Variants in RWDD3 observed in about 807,000 individuals in gnomAD.
RWDD3 encodes the protein RWD domain-containing protein 3.
In RWDD3, 30 loss-of-function variants were observed where a neutral mutation model predicts 26.5. That is an observed-to-expected ratio of 1.13 (90% CI 0.85 to 1.54). The LOEUF (loss-of-function observed/expected upper bound fraction) is 1.54. Ranked by LOEUF, RWDD3 falls within the 40% of genes most tolerant of loss-of-function variation. RWDD3 has a pLI of 0.00. For missense variants in RWDD3, 296 were observed against 309.1 expected (o/e 0.96, Z 0.32); for synonymous variants, 113 against 114.5 (o/e 0.99, Z 0.09).
At position 95,244,524 on chromosome 1, in the gene RWDD3, G is replaced by T. The variant is rs557203291; in HGVS notation, c.399G>T (p.Thr133=). ...GSEKCTFSTS[T]TMDDGLWITL... ...AAAAGTGTACTTTTTCAACAAGCAC[G>T]ACCATGGATGATGGATTGTGGATAA... The change falls in exon 2 of 4, where the codon ACG becomes ACT. Residue 133 remains threonine, a synonymous_variant. Coordinates refer to ENST00000370202, the MANE Select transcript of RWDD3 (RefSeq NM_015485.5). 14 of 1,614,002 alleles carry T rather than the reference G, an allele frequency of 8.7e-6. No individual in the cohort carries two copies. Among genetic ancestry groups the T allele is most frequent in the African/African-American group, 1.3e-5 (1 of 74,920 alleles).
intron 2 of RWDD3, among the ~76,000 whole-genome samples, chr1:95,245,716 T>TGGG (rs1176969580): frequency 6.6e-6 from 1 of 152,170 alleles, no homozygotes; most frequent in Non-Finnish European, 1.5e-5. Context: ...TTGATCCTTT[T>TGGG]GGGTAAAATA....
chr1:95,240,370 C>T (rs1349560691), intron 1 of RWDD3, among the ~76,000 whole-genome samples: 1 of 152,136 alleles, frequency 6.6e-6, no homozygotes, highest in African/African-American at 2.4e-5. Context: ...CAAGATATTT[C>T]AGTGCTGGAA....
At chr1:95,240,272 C>T (rs1680558361) in intron 1 of RWDD3, among the ~76,000 whole-genome samples, 1 of 152,168 alleles carries the variant, frequency 6.6e-6, no homozygotes, top group Admixed American at 6.5e-5. Context: ...TGATTACAAG[C>T]TACTAGCACA....
chr1:95,242,085 A>G (rs1035559724), intron 1 of RWDD3, among the ~76,000 whole-genome samples: 2 of 152,102 alleles, frequency 1.3e-5, no homozygotes, highest in African/African-American at 4.8e-5. Context: ...GTTTGTGACT[A>G]TTTCCTATAA....
Position 95,234,254 on chromosome 1 carries a change from G to A in RWDD3, c.24G>A (p.Glu8=), listed in dbSNP as rs1680180172. 1.3e-6 allele frequency: 2 copies of A among 1,596,400 alleles called. No homozygotes were observed. The highest frequency in any genetic ancestry group is 1.7e-5 in the Admixed American group (1 of 57,958). ...CCATGGCGGAGCCTGTGCAGGAGGA[G>A]CTCTCGGTCCTGGCCGCGATTTTCT... MAEPVQE[E]LSVLAAIFCR... The change falls in exon 1 of 4, where the codon GAG becomes GAA. Residue 8 remains glutamate (E), a synonymous_variant. Transcript: ENST00000370202.
intron 1 of RWDD3, 115 bp from the exon 2 acceptor site, chr1:95,244,096 C>G (rs1160464666): frequency 6.8e-7 from 1 of 1,468,788 alleles, no homozygotes; most frequent in East Asian, 2.3e-5. Context: ...CATAAAATAG[C>G]TCAGAGTTTT....
chr1:95,246,883 G>T lies in RWDD3; in HGVS notation c.*13G>T. 5 of 1,424,524 alleles carry T rather than the reference G, an allele frequency of 3.5e-6. No homozygotes were observed. The highest frequency in any genetic ancestry group is 3.8e-6 in the Non-Finnish European group (4 of 1,057,120). The allele number at this position is 1,424,524 out of a possible 1,614,324, so 88.2% of individuals were successfully genotyped here. ...TCTGGTAAAATGAAATGGAAGACAG[G>T]AATCTTTTAGTAAAATAGCAGTGTT... On this transcript the variant is annotated 3_prime_UTR_variant, in exon 4 of 4. Transcript: ENST00000370202.
At chr1:95,246,124 T>A (rs1238192479) in intron 2 of RWDD3, 2 of 154,396 alleles carry the variant, frequency 1.3e-5, no homozygotes, top group Non-Finnish European at 2.9e-5. Context: ...GAACAGTGGC[T>A]TGTGCTCTCA....
At position 95,244,411 on chromosome 1, in the gene RWDD3, T is replaced by C. The variant is rs1680759073; in HGVS notation, c.286T>C (p.Ser96Pro). The C allele has an allele frequency of 1.9e-6, 3 of 1,614,076 alleles. No homozygotes were observed. Among genetic ancestry groups the C allele is most frequent in the Non-Finnish European group, 2.5e-6 (3 of 1,180,042 alleles). Residue 96 changes from serine (S) to proline (P), a missense_variant, in exon 2 of 4, where the codon TCG becomes CCG. Ser to Pro is a moderately conservative substitution (Grantham distance 74, BLOSUM62 -1). Transcript: ENST00000370202. Reference protein sequence around the residue: ...NLLEQAESLLSEPMVHELVLW... With the variant: ...NLLEQAESLLPEPMVHELVLW... ...ACTTGAGCAAGCAGAGAGCCTTTTG[T>C]CGGAGCCTATGGTTCATGAGCTGGT...
chr1:95,242,626 G>A (rs747697498), intron 1 of RWDD3, among the ~76,000 whole-genome samples: 1 of 151,920 alleles, frequency 6.6e-6, no homozygotes, highest in Non-Finnish European at 1.5e-5. Context: ...TTTTAAAAGG[G>A]TAAGTAGTTA....
intron 1 of RWDD3, among the ~76,000 whole-genome samples, chr1:95,240,848 G>GA (rs113157057): frequency 6.8e-5 from 10 of 146,560 alleles, no homozygotes; most frequent in South Asian, 2.2e-4. Context: ...AAGAAGGAGG[G>GA]AAAAAAAAAA....
At chr1:95,238,499 G>A (rs1260728017) in intron 1 of RWDD3, among the ~76,000 whole-genome samples, 1 of 149,862 alleles carries the variant, frequency 6.7e-6, no homozygotes, top group Non-Finnish European at 1.5e-5. Context: ...GTGTATGCTT[G>A]CCTGGGAGCT....
intron 1 of RWDD3, 33 bp downstream of exon 1, chr1:95,234,348 C>G: frequency 6.4e-7 from 1 of 1,554,428 alleles, no homozygotes; most frequent in Non-Finnish European, 8.7e-7. Context: ...GACAGGGCGC[C>G]CTCAGGGGCC....
intron 1 of RWDD3, chr1:95,239,853 C>G: frequency 7.8e-7 from 1 of 1,289,636 alleles, no homozygotes; most frequent in Non-Finnish European, 1.0e-6. Flanking sequence ...TCAAGACTTT[C>G]CCCCTGGACT....
At chr1:95,235,298 C>T (rs774794663) in intron 1 of RWDD3, among the ~76,000 whole-genome samples, 4 of 149,670 alleles carry the variant, frequency 2.7e-5, no homozygotes, top group South Asian at 2.1e-4. Flanking sequence ...GTGGTCCGCC[C>T]GCCTCGGCCT....
chr1:95,234,286 C>A lies in RWDD3; in HGVS notation c.56C>A (p.Pro19His). Residue 19 changes from proline to histidine, a missense_variant, in exon 1 of 4, where the codon CCC (proline) becomes CAC (histidine). Physicochemically the swap from Pro to His is moderately conservative, Grantham distance 77. Transcript: ENST00000370202. ...LSVLAAIFCR[P>H]HEWEVLSRSE... ...GTCCTGGCCGCGATTTTCTGCAGGC[C>A]CCACGAGTGGGAGGTGCTGAGCCGC... 6.3e-7 allele frequency: 1 copy of A among 1,598,886 alleles called. No individual in the cohort carries two copies.
At chr1:95,234,712 T>A (rs1235414752) in intron 1 of RWDD3, among the ~76,000 whole-genome samples, 1 of 151,170 alleles carries the variant, frequency 6.6e-6, no homozygotes, top group Non-Finnish European at 1.5e-5. Context: ...CCGAGAGCAC[T>A]CCCCGGTTCT....
rs1680877897 is a variant in RWDD3 at position 95,247,010 on chromosome 1, C to G, written c.*140C>G. On this transcript the variant is annotated 3_prime_UTR_variant, in exon 4 of 4. Coordinates refer to ENST00000370202, the MANE Select transcript of RWDD3 (RefSeq NM_015485.5). ...ATAGGCATCATTCTAACTTCAGGAA[C>G]AAAAGCCAGTTCTGTTTTATGAAAT... The G allele has an allele frequency of 2.1e-6, 1 of 468,568 alleles. No homozygotes were observed. The highest frequency in any genetic ancestry group is 3.8e-6 in the Non-Finnish European group (1 of 263,730). 29.0% of individuals were successfully genotyped at this position (468,568 alleles called of 1,614,324 possible).
intron 1 of RWDD3, chr1:95,239,894 C>T: frequency 7.8e-7 from 1 of 1,289,800 alleles, no homozygotes; most frequent in Non-Finnish European, 1.0e-6. Flanking sequence ...TGGTTCCCTG[C>T]ACCAGAGAGG....
Sources: allele counts gnomAD v4.1 joint callset (sites outside exome capture counted in the v4.1 genomes callset), GRCh38; gene constraint gnomAD v4.1.1; transcripts MANE v1.5; gene names NCBI Gene and HGNC (gene_info 2026-07-23, HGNC 2026-07-21).